Variants in DAB1 observed in about 807,000 individuals in gnomAD.
DAB1 encodes the protein disabled homolog 1.
Under a neutral mutation model 64.6 loss-of-function variants are expected in DAB1, and 15 were observed. That is an observed-to-expected ratio of 0.23 (90% confidence interval 0.16 to 0.36). The LOEUF (loss-of-function observed/expected upper bound fraction) is 0.36. DAB1 is among the 10% of genes least tolerant of loss of function. The probability of loss-of-function intolerance (pLI) is 1.00; values close to 1 mark genes in which losing one functional copy is unlikely to be tolerated. For synonymous variants in DAB1, 235 were observed against 251.9 expected (o/e 0.93, Z 0.64); for missense variants, 596 against 706.7 (o/e 0.84, Z 1.78).
intron 1 of DAB1, among the ~76,000 whole-genome samples, chr1:57,879,395 C>T (rs912106381): frequency 6.6e-6 from 1 of 152,136 alleles, no homozygotes; most frequent in Non-Finnish European, 1.5e-5. Flanking sequence ...GGAAACCTAG[C>T]TTTCTGAACG....
intron 3 of DAB1, among the ~76,000 whole-genome samples, chr1:58,365,602 G>A (rs1644209597): frequency 6.6e-6 from 1 of 152,130 alleles, no homozygotes; most frequent in South Asian, 2.1e-4. Context: ...ACTTTTGTTT[G>A]AATTCTCCCT....
chr1:57,749,931 T>C (rs1453021882), intron 6 of DAB1, among the ~76,000 whole-genome samples: 1 of 152,122 alleles, frequency 6.6e-6, no homozygotes, highest in Non-Finnish European at 1.5e-5. Context: ...GATGCTTTTA[T>C]TTTAGGAAAC....
intron 4 of DAB1, among the ~76,000 whole-genome samples, chr1:58,176,453 C>T (rs1656481825): frequency 6.6e-6 from 1 of 152,150 alleles, no homozygotes; most frequent in Non-Finnish European, 1.5e-5. Context: ...TTTTGTGTGA[C>T]TATAACAGAA....
intron 6 of DAB1, among the ~76,000 whole-genome samples, chr1:57,667,879 G>A (rs765956624): frequency 7.2e-5 from 11 of 152,004 alleles, no homozygotes; most frequent in Non-Finnish European, 1.5e-4. Flanking sequence ...CCTGTCAGGG[G>A]TTGGAGAGCA....
chr1:58,457,321 T>C (rs1223068651), intron 3 of DAB1, among the ~76,000 whole-genome samples: 1 of 151,924 alleles, frequency 6.6e-6, no homozygotes, highest in African/African-American at 2.4e-5. Flanking sequence ...CAGACAGTGC[T>C]CCCTCCCTCC....
At chr1:57,599,028 T>C (rs1269814534) in intron 7 of DAB1, among the ~76,000 whole-genome samples, 3 of 152,052 alleles carry the variant, frequency 2.0e-5, no homozygotes, top group African/African-American at 7.2e-5. Context: ...CCTCCAGGCA[T>C]GTTTTTATTT....
intron 7 of DAB1, among the ~76,000 whole-genome samples, chr1:57,439,234 C>T (rs1339864066): frequency 6.6e-6 from 1 of 151,806 alleles, no homozygotes; most frequent in African/African-American, 2.4e-5. Flanking sequence ...AAGCTGACCC[C>T]AAGGAGATCA....
chr1:58,080,640 C>G (rs1347611455), intron 5 of DAB1, among the ~76,000 whole-genome samples: 2 of 152,214 alleles, frequency 1.3e-5, no homozygotes, highest in African/African-American at 4.8e-5. Context: ...GGCTGTGCCT[C>G]TCATTCCTCA....
intron 4 of DAB1, among the ~76,000 whole-genome samples, chr1:58,309,848 T>A (rs1662388125): frequency 6.6e-6 from 1 of 152,164 alleles, no homozygotes; most frequent in Non-Finnish European, 1.5e-5. Context: ...GGTAATATAC[T>A]TAAAATTACC....
At chr1:58,469,774 G>A (rs1645336143) in intron 3 of DAB1, among the ~76,000 whole-genome samples, 2 of 152,204 alleles carry the variant, frequency 1.3e-5, no homozygotes, top group Non-Finnish European at 2.9e-5. Flanking sequence ...CTCTGCCGGA[G>A]CCATTTCTTC....
chr1:57,242,986 A>G (rs567463185), intron 2 of DAB1, among the ~76,000 whole-genome samples: 1 of 152,334 alleles, frequency 6.6e-6, no homozygotes, highest in South Asian at 2.1e-4. Flanking sequence ...CACAATTTGC[A>G]TACTTAGTAG....
At chr1:57,964,288 A>T (rs1645598327) in intron 5 of DAB1, among the ~76,000 whole-genome samples, 1 of 152,184 alleles carries the variant, frequency 6.6e-6, no homozygotes. Flanking sequence ...AATTCATCCA[A>T]CAATGTATTG....
chr1:57,546,286 G>A (rs1644855954), intron 7 of DAB1, among the ~76,000 whole-genome samples: 1 of 152,140 alleles, frequency 6.6e-6, no homozygotes, highest in African/African-American at 2.4e-5. Context: ...AAAGCATTGT[G>A]TATAAAACTA....
intron 3 of DAB1, among the ~76,000 whole-genome samples, chr1:58,483,462 C>T (rs1317989556): frequency 6.6e-6 from 1 of 152,126 alleles, no homozygotes; most frequent in Non-Finnish European, 1.5e-5. Flanking sequence ...TCTGATTAGG[C>T]TCTGAGTTAC....
At chr1:58,500,648 A>T (rs1223340163) in intron 3 of DAB1, among the ~76,000 whole-genome samples, 1 of 152,200 alleles carries the variant, frequency 6.6e-6, no homozygotes, top group Non-Finnish European at 1.5e-5. Flanking sequence ...AAAAACATTT[A>T]AAAATATATC....
upstream of DAB1, among the ~76,000 whole-genome samples, chr1:57,428,454 C>A (rs78031121): frequency 6.6e-6 from 1 of 152,140 alleles, no homozygotes; most frequent in Non-Finnish European, 1.5e-5. Flanking sequence ...AACAAAATGT[C>A]CCCTAGGTTC....
At position 57,828,070 on chromosome 1, in the gene DAB1, C is replaced by G. The variant is rs370358083; in HGVS notation, n.88-1615G>C. 6.4e-4 allele frequency among the ~76,000 whole-genome samples: 97 copies of G among 152,226 alleles called. 1 individual carries two copies. Among genetic ancestry groups the G allele is most frequent in the African/African-American group, 1.1e-3 (47 of 41,532 alleles). Reference sequence around the variant, plus strand: ...ACGCCATTCTCCTGCCTCAGCCTCCCGAGTACCTGGGACTACAGGCGCCCA... The same window carrying G: ...ACGCCATTCTCCTGCCTCAGCCTCCGGAGTACCTGGGACTACAGGCGCCCA... On this transcript the variant is annotated intron_variant and non_coding_transcript_variant, in intron 1 of 1. Coordinates refer to the DAB1 transcript ENST00000477280.
At chr1:57,637,154 T>C (rs1646067241) in intron 7 of DAB1, among the ~76,000 whole-genome samples, 1 of 152,216 alleles carries the variant, frequency 6.6e-6, no homozygotes. Flanking sequence ...ACTAATACTT[T>C]ACATATTTTG....
chr1:58,479,344 A>C (rs935990409), intron 3 of DAB1, among the ~76,000 whole-genome samples: 1 of 152,232 alleles, frequency 6.6e-6, no homozygotes, highest in Non-Finnish European at 1.5e-5. Context: ...CTTCATGACC[A>C]ATGTTGTCTC....
Sources: gnomAD v4.1 joint callset for allele counts (sites outside exome capture counted in the v4.1 genomes callset) on GRCh38, gnomAD v4.1.1 for gene constraint, MANE v1.5 for transcripts, NCBI Gene and HGNC (gene_info 2026-07-23, HGNC 2026-07-21) for gene names.